Variants in FAM184A observed in about 807,000 individuals in gnomAD.
FAM184A encodes the protein family with sequence similarity 184 member A.
Under a neutral mutation model 143.8 loss-of-function variants are expected in FAM184A, and 99 were observed. That is an observed-to-expected ratio of 0.69 (90% CI 0.58 to 0.81). The LOEUF (loss-of-function observed/expected upper bound fraction) is 0.81, where lower values mean the gene tolerates loss of function less well. FAM184A is among the 40% of genes least tolerant of loss of function. FAM184A has a pLI of 0.00. For synonymous variants in FAM184A, 427 were observed against 446.4 expected, an observed-to-expected ratio of 0.96 and a Z score of 0.55; for missense variants, 1,217 against 1,310.5, an observed-to-expected ratio of 0.93 and a Z score of 1.10.
At chr6:119,135,295 T>C (rs527565263) in intron 1 of FAM184A, among the ~76,000 whole-genome samples, 3 of 152,196 alleles carry the variant, frequency 2.0e-5, no homozygotes, top group African/African-American at 7.2e-5. Context: ...AAGAGAATGG[T>C]CAATACCCAA....
intron 1 of FAM184A, among the ~76,000 whole-genome samples, chr6:119,128,244 G>A (rs2114871593): frequency 6.6e-6 from 1 of 152,252 alleles, no homozygotes; most frequent in African/African-American, 2.4e-5. Context: ...GGCTTCTTTG[G>A]AAAGCCCGCA....
chr6:119,052,012 G>A (rs1420714999), intron 1 of FAM184A, among the ~76,000 whole-genome samples: 1 of 152,160 alleles, frequency 6.6e-6, no homozygotes, highest in Non-Finnish European at 1.5e-5. Flanking sequence ...CAGGTCCTGA[G>A]CTGGGGTGCA....
intron 1 of FAM184A, among the ~76,000 whole-genome samples, chr6:119,044,701 G>A (rs1270009623): frequency 1.3e-5 from 2 of 151,874 alleles, no homozygotes; most frequent in Admixed American, 1.3e-4. Context: ...TACTACTGAT[G>A]CTGTGACTTA....
At chr6:118,993,205 G>A (rs1315775221) in intron 9 of FAM184A, among the ~76,000 whole-genome samples, 1 of 152,130 alleles carries the variant, frequency 6.6e-6, no homozygotes, top group African/African-American at 2.4e-5. Flanking sequence ...CCTTAAGAGA[G>A]CCTTTTCAAC....
At chr6:119,100,407 A>G (rs1372627388) in intron 1 of FAM184A, among the ~76,000 whole-genome samples, 1 of 152,154 alleles carries the variant, frequency 6.6e-6, no homozygotes, top group East Asian at 1.9e-4. Flanking sequence ...AAGGGTTTTT[A>G]TCCATCAATG....
chr6:119,006,398 C>T, intron 7 of FAM184A, 49 bp downstream of exon 7: 1 of 1,575,918 alleles, frequency 6.3e-7, no homozygotes, highest in South Asian at 1.2e-5. Flanking sequence ...TGGCTAAATT[C>T]TATTTTTATT....
rs1389925312 is a variant in FAM184A at position 119,096,138 on chromosome 6, A to T, written c.-202+52940T>A. 9.2e-5 allele frequency among the ~76,000 whole-genome samples: 14 copies of T among 152,270 alleles called. 1 individual carries two copies. The highest frequency in any genetic ancestry group is 4.6e-4 in the Admixed American group (7 of 15,298). ...GTGGTGACATTGGGTACCAGGGGAA[A>T]AAGGGTACCTACTGTGTATTCTGAT... On this transcript the variant is annotated intron_variant, in intron 1 of 16. Transcript: ENST00000352896.
intron 1 of FAM184A, among the ~76,000 whole-genome samples, chr6:119,027,419 T>G (rs794250): frequency 0.96 from 145,693 of 152,228 alleles, 69,823 homozygotes; most frequent in African/African-American, 0.97. Flanking sequence ...TTTGGTCTCT[T>G]CCCCCAGTTC....
intron 1 of FAM184A, among the ~76,000 whole-genome samples, chr6:119,050,472 G>A (rs1398942696): frequency 6.6e-6 from 1 of 150,776 alleles, no homozygotes; most frequent in Non-Finnish European, 1.5e-5. Flanking sequence ...TAAAAAAAGG[G>A]TACATATACA....
At chr6:119,102,320 T>A (rs1788658876) in intron 1 of FAM184A, among the ~76,000 whole-genome samples, 1 of 152,124 alleles carries the variant, frequency 6.6e-6, no homozygotes, top group African/African-American at 2.4e-5. Context: ...TCCCCCCAAT[T>A]ATTACTAAAA....
At chr6:118,976,184 T>A in intron 11 of FAM184A, 140 bp from the exon 12 acceptor site, 1 of 778,066 alleles carries the variant, frequency 1.3e-6, no homozygotes. Flanking sequence ...TTATAAACTA[T>A]GACAAATTTA....
chr6:118,970,008 A>ATATATATATATATATTTTTTTTT, intron 14 of FAM184A, among the ~76,000 whole-genome samples: 3 of 19,054 alleles, frequency 1.6e-4, no homozygotes, highest in South Asian at 1.7e-3. Context: ...ATATATATAT[A>ATATATATATATATATTTTTTTTT]TTTTTTTTTT....
At chr6:118,983,562 A>T (rs992594617) in intron 9 of FAM184A, among the ~76,000 whole-genome samples, 3 of 150,642 alleles carry the variant, frequency 2.0e-5, no homozygotes, top group Admixed American at 2.0e-4. Context: ...GTTAAAATTT[A>T]AAAAATTCTA....
At chr6:119,106,410 A>G (rs1350861989) in intron 1 of FAM184A, among the ~76,000 whole-genome samples, 1 of 152,202 alleles carries the variant, frequency 6.6e-6, no homozygotes, top group Non-Finnish European at 1.5e-5. Context: ...ACAAACAAAC[A>G]AAAAACCAAA....
At chr6:119,031,879 G>A (rs143095903) in intron 1 of FAM184A, among the ~76,000 whole-genome samples, 2,339 of 151,988 alleles carry the variant, frequency 0.015, 18 homozygotes, top group Non-Finnish European at 0.021. Context: ...CACAATATAA[G>A]AAAAAATGAT....
At chr6:119,130,923 C>A (rs943696056) in intron 1 of FAM184A, among the ~76,000 whole-genome samples, 3 of 142,212 alleles carry the variant, frequency 2.1e-5, no homozygotes, top group African/African-American at 7.9e-5. Flanking sequence ...GTGGTGTGAT[C>A]TTGGCTCACT....
rs180819798 is a variant in FAM184A at position 119,112,129 on chromosome 6, C to A, written c.-202+36949G>T. Among the ~76,000 whole-genome samples, 53 of 151,070 alleles carry A rather than the reference C, an allele frequency of 3.5e-4. 1 individual carries two copies. The highest frequency in any genetic ancestry group is 3.0e-3 in the Admixed American group (45 of 15,184). ...AATGATCATATTTCTTTTTTCTTTT[C>A]TTTCTTTCTTTTTTTTTTTCAGGTG... is the stretch of plus-strand genomic sequence containing the variant. On this transcript the variant is annotated intron_variant, in intron 1 of 16. Transcript: ENST00000352896.
At chr6:119,147,213 C>CA (rs2114900201) in intron 1 of FAM184A, among the ~76,000 whole-genome samples, 1 of 152,146 alleles carries the variant, frequency 6.6e-6, no homozygotes, top group African/African-American at 2.4e-5. Context: ...ACTAAGGCAG[C>CA]AAATAATCAA....
intron 9 of FAM184A, among the ~76,000 whole-genome samples, chr6:118,991,344 A>G (rs1269963816): frequency 6.6e-6 from 1 of 151,786 alleles, no homozygotes; most frequent in Non-Finnish European, 1.5e-5. Flanking sequence ...TTGTTTTAGT[A>G]AAGATGGAGT....
Sources: gnomAD v4.1 joint callset for allele counts (sites outside exome capture counted in the v4.1 genomes callset) on GRCh38, gnomAD v4.1.1 for gene constraint, MANE v1.5 for transcripts, NCBI Gene and HGNC (gene_info 2026-07-23, HGNC 2026-07-21) for gene names.